Variants in DHX40 observed in about 807,000 individuals in gnomAD.
DHX40 encodes probable ATP-dependent RNA helicase DHX40.
In DHX40, 28 loss-of-function variants were observed where a neutral mutation model predicts 89.6. That is an observed-to-expected ratio of 0.31 (90% confidence interval 0.23 to 0.43). DHX40 has a LOEUF of 0.43. Ranked by LOEUF, DHX40 falls within the 20% of genes least tolerant of loss-of-function variation. The pLI, the probability that DHX40 is intolerant of heterozygous loss-of-function variation, is 1.00. For synonymous variants in DHX40, 226 were observed against 283.6 expected, an observed-to-expected ratio of 0.80 and a Z score of 2.04; for missense variants, 457 against 844.0, an observed-to-expected ratio of 0.54 and a Z score of 5.68.
Position 59,577,356 on chromosome 17 carries a change from A to T in DHX40, c.1064A>T (p.Asp355Val), listed in dbSNP as rs1343700143. 1.9e-6 allele frequency: 3 copies of T among 1,613,468 alleles called. No individual in the cohort carries two copies. The highest frequency in any genetic ancestry group is 2.7e-5 in the African/African-American group (2 of 74,916). ...ATTTCTGCAACGTCTTTGACAATAG[A>T]TGGAATCAGGTAAAACTTTTGAACT... ...TNISATSLTIDGIRYVVDGGF... is the reference protein window; with the variant it reads ...TNISATSLTIVGIRYVVDGGF... The change falls in exon 8 of 18, where the codon GAT becomes GTT. Residue 355 changes from aspartate to valine, a missense_variant. Coordinates refer to ENST00000251241, the MANE Select transcript of DHX40 (RefSeq NM_024612.5).
chr17:59,570,802 CCCCT>C, intron 3 of DHX40, 139 bp downstream of exon 3: 2 of 771,200 alleles, frequency 2.6e-6, no homozygotes, highest in Non-Finnish European at 3.8e-6. Context: ...CCTACCTCAG[CCCCT>C]TGGGTAGCTG....
At chr17:59,570,145 A>T (rs1277891623) in intron 2 of DHX40, among the ~76,000 whole-genome samples, 6 of 127,328 alleles carry the variant, frequency 4.7e-5, no homozygotes, top group African/African-American at 1.2e-4. Flanking sequence ...ATATATTATA[A>T]ATTATATAAT....
chr17:59,591,983 C>G lies in DHX40; in HGVS notation c.1582+3930C>G, dbSNP rs201826927. 1.3e-4 allele frequency among the ~76,000 whole-genome samples: 19 copies of G among 151,366 alleles called. No homozygotes were observed. The East Asian group carries it at 3.1e-3, about 25-fold the overall frequency. On this transcript the variant is annotated intron_variant, in intron 12 of 17. Coordinates refer to ENST00000251241, the MANE Select transcript of DHX40 (RefSeq NM_024612.5). ...TCCCGGGCTCAAGCAATTCTCCCAC[C>G]TCAGCCTCCTTAGTAGCTGGGACCA... is the stretch of plus-strand genomic sequence containing the variant.
chr17:59,599,793 CCAT>C, intron 14 of DHX40: 1 of 191,724 alleles, frequency 5.2e-6, no homozygotes, highest in South Asian at 7.3e-5. Context: ...TGGTACATAT[CCAT>C]CATCTCCCAG....
intron 17 of DHX40, among the ~76,000 whole-genome samples, chr17:59,606,528 C>G (rs1488818148): frequency 6.6e-6 from 1 of 152,054 alleles, no homozygotes; most frequent in African/African-American, 2.4e-5. Context: ...GGGCGGATCA[C>G]GAGGTCAGGA....
intron 15 of DHX40, chr17:59,603,687 T>C (rs865990190): frequency 1.2e-4 from 19 of 152,212 alleles, no homozygotes; most frequent in Middle Eastern, 3.2e-3. Flanking sequence ...TGGAATTGTT[T>C]ACAAGCACCT....
chr17:59,599,473 A>G lies in DHX40; in HGVS notation c.1796A>G (p.Lys599Arg). 1 of 1,611,566 alleles carries G rather than the reference A, an allele frequency of 6.2e-7. No homozygotes were observed. Among genetic ancestry groups the G allele is most frequent in the Non-Finnish European group, 8.5e-7 (1 of 1,178,780 alleles). ...GCTCAACTTCGAGAACTAATCAGGA[A>G]GCTTAAACAGGTGATTGCCGTAATG... The part of the protein sequence containing the change: ...VEAQLRELIR[K>R]LKQQSDFPKE... Residue 599 changes from lysine (K) to arginine (R), a missense_variant, in exon 14 of 18, where the codon AAG becomes AGG. Physicochemically the swap from Lys to Arg is conservative, Grantham distance 26 (BLOSUM62 2). Around this residue, in one of 9 missense-constraint regions of DHX40, gnomAD observed 6 missense variants for 77.3 expected, o/e 0.08. Coordinates refer to ENST00000251241, the MANE Select transcript of DHX40 (RefSeq NM_024612.5).
chr17:59,595,196 G>T (rs1165077404), intron 12 of DHX40, among the ~76,000 whole-genome samples: 4 of 151,564 alleles, frequency 2.6e-5, no homozygotes, highest in Non-Finnish European at 4.4e-5. Flanking sequence ...CAATTCTCCT[G>T]CCTCAGCCTC....
intron 3 of DHX40, among the ~76,000 whole-genome samples, chr17:59,570,990 C>G (rs911368913): frequency 3.9e-5 from 6 of 152,138 alleles, no homozygotes; most frequent in African/African-American, 1.4e-4. Context: ...ATCCCATTTT[C>G]TCCTTCCTTA....
rs1168481257 is a variant in DHX40 at position 59,577,327 on chromosome 17, C to G, written c.1035C>G (p.Thr345=). 3 of 1,613,858 alleles carry G rather than the reference C, an allele frequency of 1.9e-6. No homozygotes were observed. The highest frequency in any genetic ancestry group is 1.1e-5 in the South Asian group (1 of 91,070). The part of the protein sequence containing the change: ...PPGIRKCVIS[T]NISATSLTID... ...GAATTAGAAAATGTGTCATATCCAC[C>G]AATATTTCTGCAACGTCTTTGACAA... Residue 345 remains threonine (T), a synonymous_variant, in exon 8 of 18, where the codon ACC becomes ACG. Transcript: ENST00000251241.
chr17:59,586,937 T>A (rs2049006659), intron 11 of DHX40, among the ~76,000 whole-genome samples: 1 of 152,080 alleles, frequency 6.6e-6, no homozygotes. Context: ...GCAGATTGCT[T>A]GAGCCCAGTT....
chr17:59,574,432 AAAG>A (rs1365686713), intron 6 of DHX40, among the ~76,000 whole-genome samples, 178 bp downstream of exon 6: 2 of 150,956 alleles, frequency 1.3e-5, no homozygotes, highest in African/African-American at 4.9e-5. Flanking sequence ...GCTAGCTGCC[AAAG>A]AGGATTATAT....
intron 2 of DHX40, among the ~76,000 whole-genome samples, chr17:59,569,357 TAA>T (rs2048755347): frequency 6.7e-6 from 1 of 148,658 alleles, no homozygotes; most frequent in Admixed American, 6.7e-5. Flanking sequence ...AATAAATAAA[TAA>T]ATAAATAAAT....
At chr17:59,585,338 T>C (rs1416256001) in intron 10 of DHX40, among the ~76,000 whole-genome samples, 1 of 134,986 alleles carries the variant, frequency 7.4e-6, no homozygotes, top group African/African-American at 3.0e-5. Context: ...AGACGGAGGT[T>C]GTAGTGAGCC....
At chr17:59,570,070 T>G (rs2048772230) in intron 2 of DHX40, among the ~76,000 whole-genome samples, 1 of 107,696 alleles carries the variant, frequency 9.3e-6, no homozygotes, top group South Asian at 2.8e-4. Flanking sequence ...CATTATATTA[T>G]AATGTATATT....
chr17:59,575,462 A>G lies in DHX40; in HGVS notation c.964A>G (p.Met322Val), dbSNP rs758865205. ...GLLILPCYGS[M>V]TTDQQRRIFL... The stretch of plus-strand genomic sequence containing the variant: ...GTTAATATTGCCGTGTTATGGATCA[A>G]TGACAACAGGTAATTTCTCATTAGA... The change falls in exon 7 of 18, where the codon ATG becomes GTG. Residue 322 changes from methionine (M) to valine (V), a missense_variant. Coordinates refer to ENST00000251241, the MANE Select transcript of DHX40 (RefSeq NM_024612.5). 10 of 1,611,978 alleles carry G rather than the reference A, an allele frequency of 6.2e-6. No individual in the cohort carries two copies. In the South Asian group the frequency reaches 8.8e-5, roughly 14 times the overall value.
At chr17:59,602,232 C>G (rs151123774) in intron 14 of DHX40, among the ~76,000 whole-genome samples, 58 of 152,270 alleles carry the variant, frequency 3.8e-4, no homozygotes, top group African/African-American at 1.4e-3. Flanking sequence ...GCTTTACTTC[C>G]CTGTACCTTG....
chr17:59,605,468 T>C lies in DHX40; in HGVS notation c.1994T>C (p.Leu665Pro). Residue 665 changes from leucine (L) to proline (P), a missense_variant, in exon 17 of 18, where the codon CTT becomes CCT. Physicochemically the swap from Leu to Pro is moderately conservative, Grantham distance 98. Coordinates refer to ENST00000251241, the MANE Select transcript of DHX40 (RefSeq NM_024612.5). ...SSALHEQETK[L>P]EWIIFHEVLV... is the part of the protein sequence containing the mutation. ...TAGCTTCATGAACAGGAAACCAAAC[T>C]TGAATGGATCATTTTTCATGAGGTA... is the stretch of plus-strand genomic sequence containing the variant. 1 of 1,613,250 alleles carries C rather than the reference T, an allele frequency of 6.2e-7. No individual in the cohort carries two copies. Among genetic ancestry groups the C allele is most frequent in the Non-Finnish European group, 8.5e-7 (1 of 1,179,200 alleles).
At chr17:59,595,303 G>A (rs1361250483) in intron 12 of DHX40, among the ~76,000 whole-genome samples, 71 of 151,728 alleles carry the variant, frequency 4.7e-4, no homozygotes, top group Admixed American at 9.8e-4. Flanking sequence ...GGCTGGTCTC[G>A]AACTCCCAAC....
Sources: gnomAD v4.1 joint callset for allele counts (sites outside exome capture counted in the v4.1 genomes callset) on GRCh38, gnomAD v4.1.1 for gene constraint, gnomAD v4.1.1 regional missense constraint, MANE v1.5 for transcripts, NCBI Gene and HGNC (gene_info 2026-07-23, HGNC 2026-07-21) for gene names.